Variants in DYRK2 observed in about 807,000 individuals in gnomAD.
The protein encoded by DYRK2 is dual specificity tyrosine-phosphorylation-regulated kinase 2.
DYRK2 carries 12 observed loss-of-function variants against 41.6 expected under a neutral mutation model. The observed-to-expected ratio is 0.29, with a 90% confidence interval of 0.18 to 0.47. The LOEUF (loss-of-function observed/expected upper bound fraction) is 0.47. Among genes scored for constraint, DYRK2 ranks in the 20% least tolerant of loss-of-function variants. The pLI is 1.00. For synonymous variants in DYRK2, 322 were observed against 315.7 expected, an observed-to-expected ratio of 1.02 and a Z score of -0.21; for missense variants, 678 against 798.4, an observed-to-expected ratio of 0.85 and a Z score of 1.82.
chr12:67,657,215 T>C lies in DYRK2; in HGVS notation c.308T>C (p.Val103Ala). 2 of 1,614,102 alleles carry C rather than the reference T, an allele frequency of 1.2e-6. No individual in the cohort carries two copies. The highest frequency in any genetic ancestry group is 1.7e-6 in the Non-Finnish European group (2 of 1,180,012). The change falls in exon 3 of 3, where the codon GTG becomes GCG. Residue 103 changes from valine (V) to alanine (A), a missense_variant. Physicochemically the swap from Val to Ala is moderately conservative, Grantham distance 64. Around this residue, in one of 2 missense-constraint regions of DYRK2, gnomAD observed 285 missense variants for 279.2 expected, o/e 1.02. Transcript: ENST00000344096. This position sits in a 1 kb window ranked among gnomAD's most constrained non-coding sequence, Gnocchi z 4.8. ...LFEDNSNKRT[V>A]LTTQPNGLTT... ...GAGGATAACAGTAACAAGCGGACAGTGCTCACGACACAACCAAATGGGCTT... is the reference window on the plus strand; with the variant it reads ...GAGGATAACAGTAACAAGCGGACAGCGCTCACGACACAACCAAATGGGCTT...
In DYRK2 at chr12:67,658,689, A is replaced by C; in HGVS notation, c.1782A>C (p.Thr594=). Residue 594 remains threonine (T), a synonymous_variant, in exon 3 of 3, where the codon ACA becomes ACC. Coordinates refer to ENST00000344096, the MANE Select transcript of DYRK2 (RefSeq NM_006482.3). This position sits in a 1 kb window ranked among gnomAD's most constrained non-coding sequence, Gnocchi z 4.3. ...TDANGNIQQR[T]VLPKLVS ...CCAATGGGAATATTCAGCAGAGGAC[A>C]GTGTTGCCAAAACTTGTTAGCTGAG... 1.2e-6 allele frequency: 2 copies of C among 1,609,168 alleles called. No homozygotes were observed. Among genetic ancestry groups the C allele is most frequent in the Non-Finnish European group, 1.7e-6 (2 of 1,177,730 alleles).
In DYRK2 at chr12:67,649,044, C is replaced by T; in HGVS notation, c.-90C>T. ...CGCCGGGGACCCGCGCGAGGGGCGG[C>T]CGGGAGGCGGCGGCGGCGGCCGCCA... On this transcript the variant is annotated 5_prime_UTR_variant, in exon 1 of 3. Transcript: ENST00000344096. 3.4e-6 allele frequency: 4 copies of T among 1,180,518 alleles called. 1 individual carries two copies. Among genetic ancestry groups the T allele is most frequent in the East Asian group, 7.1e-5 (2 of 28,122 alleles). The allele number at this position is 1,180,518 out of a possible 1,614,324, so 73.1% of individuals were successfully genotyped here.
rs768720144 is a variant in DYRK2 at position 67,649,157 on chromosome 12, C to T, written c.24C>T (p.Ala8=). The change falls in exon 1 of 3, where the codon GCC becomes GCT. Residue 8 remains alanine, a synonymous_variant. Coordinates refer to ENST00000344096, the MANE Select transcript of DYRK2 (RefSeq NM_006482.3). ...CCATGTTAACCAGGAAACCTTCGGCCGCCGCTCCCGCCGCCTACCCGACCG... is the reference window on the plus strand; with the variant it reads ...CCATGTTAACCAGGAAACCTTCGGCTGCCGCTCCCGCCGCCTACCCGACCG... The part of the protein sequence containing the change: MLTRKPS[A]AAPAAYPTGR... 4.6e-6 allele frequency: 7 copies of T among 1,513,420 alleles called. No homozygotes were observed. The highest frequency in any genetic ancestry group is 3.7e-5 in the South Asian group (3 of 81,820). The allele number at this position is 1,513,420 out of a possible 1,614,324, so 93.7% of individuals were successfully genotyped here. A position where few individuals can be genotyped will look rare whatever the true frequency, so the allele number is the denominator to read the frequency against.
At position 67,660,754 on chromosome 12, in the gene DYRK2, G is replaced by A. The variant is rs1872601420; in HGVS notation, c.*2041G>A. 6.0e-6 allele frequency: 1 copy of A among 167,020 alleles called. No individual in the cohort carries two copies. Among genetic ancestry groups the A allele is most frequent in the Non-Finnish European group, 1.5e-5 (1 of 68,114 alleles). 10.3% of individuals were successfully genotyped at this position (167,020 alleles called of 1,614,324 possible). A position where few individuals can be genotyped will look rare whatever the true frequency, so the allele number is the denominator to read the frequency against. On this transcript the variant is annotated 3_prime_UTR_variant, in exon 3 of 3. Transcript: ENST00000344096. ...CATGAGAAGTATAAGACTTGGTTTG[G>A]TGGCTTTGTAAGACCACCAGCCTCT...
At position 67,658,383 on chromosome 12, in the gene DYRK2, G is replaced by T. The variant is rs1331591899; in HGVS notation, c.1476G>T (p.Glu492Asp). 6.2e-7 allele frequency: 1 copy of T among 1,606,934 alleles called. No individual in the cohort carries two copies. Among genetic ancestry groups the T allele is most frequent in the Admixed American group, 1.7e-5 (1 of 58,774 alleles). The change falls in exon 3 of 3, where the codon GAG becomes GAT. Residue 492 changes from glutamate (E) to aspartate (D), a missense_variant. Around this residue, in one of 2 missense-constraint regions of DYRK2, gnomAD observed 393 missense variants for 519.1 expected, o/e 0.76. Coordinates refer to ENST00000344096, the MANE Select transcript of DYRK2 (RefSeq NM_006482.3). This position sits in a 1 kb window ranked among gnomAD's most constrained non-coding sequence, Gnocchi z 4.3. ...SRRGKLRGPP[E>D]SREWGNALKG... ...GGGGGAAACTGAGGGGCCCACCGGA[G>T]AGCAGAGAGTGGGGGAACGCGCTGA...
At chr12:67,653,894 G>T (rs1261612899) in intron 2 of DYRK2, among the ~76,000 whole-genome samples, 1 of 152,188 alleles carries the variant, frequency 6.6e-6, no homozygotes, top group Non-Finnish European at 1.5e-5. Context: ...GCAATAAAGA[G>T]AAATAAGTAA....
rs920807918 is a variant in DYRK2, at chr12:67,659,705, T to C, written c.*992T>C. 3.6e-5 allele frequency: 6 copies of C among 167,060 alleles called. No homozygotes were observed. Among genetic ancestry groups the C allele is most frequent in the Non-Finnish European group, 7.3e-5 (5 of 68,120 alleles). The allele number at this position is 167,060 out of a possible 1,614,324, so 10.3% of individuals were successfully genotyped here. A position where few individuals can be genotyped will look rare whatever the true frequency, so the allele number is the denominator to read the frequency against. On this transcript the variant is annotated 3_prime_UTR_variant, in exon 3 of 3. Transcript: ENST00000344096. ...GGATTTCCATAGTTCCAAAGAAGATTTAGCAGATTAGAGTGAGTTCACACT... is the reference window on the plus strand; with the variant it reads ...GGATTTCCATAGTTCCAAAGAAGATCTAGCAGATTAGAGTGAGTTCACACT...
In DYRK2 at chr12:67,665,050, T is replaced by C. The variant is rs1205129001; in HGVS notation, c.*6337T>C. On this transcript the variant is annotated 3_prime_UTR_variant, in exon 3 of 3. Coordinates refer to ENST00000344096, the MANE Select transcript of DYRK2 (RefSeq NM_006482.3). ...AAATTTACTCAGGTTTCCTATCCTTTGCCTCCATATTTAAGAAAATATAGA... is the reference window on the plus strand; with the variant it reads ...AAATTTACTCAGGTTTCCTATCCTTCGCCTCCATATTTAAGAAAATATAGA... The C allele has an allele frequency of 6.6e-6, 1 of 152,176 alleles. No homozygotes were observed. Among genetic ancestry groups the C allele is most frequent in the African/African-American group, 2.4e-5 (1 of 41,450 alleles). 9.4% of individuals were successfully genotyped at this position (152,176 alleles called of 1,614,324 possible).
intron 1 of DYRK2, 144 bp downstream of exon 1, chr12:67,649,326 C>T: frequency 3.5e-6 from 2 of 578,498 alleles, no homozygotes; most frequent in Non-Finnish European, 4.8e-6. Flanking sequence ...ACGACGCGCC[C>T]CGGGCTCCAT....
At chr12:67,651,671 G>A in intron 2 of DYRK2, 1 of 454,602 alleles carries the variant, frequency 2.2e-6, no homozygotes, top group Non-Finnish European at 4.4e-6. Flanking sequence ...GTGAATTTGG[G>A]TTTCGATGGT....
In DYRK2 at chr12:67,657,039, G is replaced by A. The variant is rs900322867; in HGVS notation, c.199-67G>A. 7 of 1,452,288 alleles carry A rather than the reference G, an allele frequency of 4.8e-6. No individual in the cohort carries two copies. 90.0% of individuals were successfully genotyped at this position (1,452,288 alleles called of 1,614,324 possible). ...GGTTGGGGGCGGTGGTGTTGTTGGG[G>A]GTTACTTATACACCATTTGAACAGA... On this transcript the variant is annotated intron_variant, in intron 2 of 2. Transcript: ENST00000344096. The surrounding 1 kb of genome is among the most constrained non-coding windows in gnomAD (Gnocchi z 4.8).
At chr12:67,650,040 A>T in intron 2 of DYRK2, 95 bp downstream of exon 2, 1 of 1,211,914 alleles carries the variant, frequency 8.3e-7, no homozygotes, top group Non-Finnish European at 1.0e-6. Context: ...CCGGGAGAAG[A>T]GGGGTCGAGA....
Position 67,664,842 on chromosome 12 carries a change from T to C in DYRK2, c.*6129T>C, listed in dbSNP as rs567982337. ...TGTGCACACACCCTCAGTTAATTTG[T>C]AAGAGAGTGACTTCTCATTGTTATT... is the stretch of plus-strand genomic sequence containing the variant. On this transcript the variant is annotated 3_prime_UTR_variant, in exon 3 of 3. Transcript: ENST00000344096. The C allele has an allele frequency of 6.6e-5, 10 of 152,324 alleles. No individual in the cohort carries two copies. The highest frequency in any genetic ancestry group is 2.4e-4 in the African/African-American group (10 of 41,576). The allele number at this position is 152,324 out of a possible 1,614,324, so 9.4% of individuals were successfully genotyped here. A position where few individuals can be genotyped will look rare whatever the true frequency, so the allele number is the denominator to read the frequency against.
chr12:67,648,913 ACGGCGGCGAGGAGGAGAGCGGGGGGCTCG>A lies in DYRK2; in HGVS notation c.-212_-184del. 1 of 354,332 alleles carries A rather than the reference ACGGCGGCGAGGAGGAGAGCGGGGGGCTCG, an allele frequency of 2.8e-6. No homozygotes were observed. The highest frequency in any genetic ancestry group is 7.1e-5 in the South Asian group (1 of 14,134). The allele number at this position is 354,332 out of a possible 1,614,324, so 21.9% of individuals were successfully genotyped here. A position where few individuals can be genotyped will look rare whatever the true frequency, so the allele number is the denominator to read the frequency against. ...CTGCAGCCGCCCGAGGAAGAGGAGG[ACGGCGGCGAGGAGGAGAGCGGGGGGCTCG>A]CGGCGGCGGGCCCCGGCCGAGGGGA... is the stretch of plus-strand genomic sequence containing the variant. On this transcript the variant is annotated 5_prime_UTR_variant, in exon 1 of 3. An upstream open reading frame in the 5' UTR loses its in-frame stop. Transcript: ENST00000344096.
intron 2 of DYRK2, chr12:67,651,517 A>G (rs1356122743): frequency 6.7e-6 from 3 of 450,138 alleles, no homozygotes; most frequent in Admixed American, 4.8e-5. Flanking sequence ...GGTGCACCAG[A>G]AAAGGAAGGA....
chr12:67,648,991 C>T lies in DYRK2; in HGVS notation c.-143C>T, dbSNP rs976785293. On this transcript the variant is annotated 5_prime_UTR_variant, in exon 1 of 3. Coordinates refer to ENST00000344096, the MANE Select transcript of DYRK2 (RefSeq NM_006482.3). ...GATGCAGTGGACTGTGTGTGTCTGG[C>T]TGTAGCAGACGCGAGGCGGCGACGA... 9.3e-5 allele frequency: 55 copies of T among 591,962 alleles called. No homozygotes were observed. Among genetic ancestry groups the T allele is most frequent in the Non-Finnish European group, 1.3e-4 (51 of 379,878 alleles). The allele number at this position is 591,962 out of a possible 1,614,324, so 36.7% of individuals were successfully genotyped here. A position where few individuals can be genotyped will look rare whatever the true frequency, so the allele number is the denominator to read the frequency against.
rs1414915327 is a variant in DYRK2, at chr12:67,657,245, C to T, written c.338C>T (p.Thr113Ile). ...VLTTQPNGLT[T>I]VGKTGLPVVP... ...ACGACACAACCAAATGGGCTTACAA[C>T]AGTGGGCAAAACGGGCTTGCCAGTG... The change falls in exon 3 of 3, where the codon ACA becomes ATA. Residue 113 changes from threonine (T) to isoleucine (I), a missense_variant. Thr to Ile is a moderately conservative substitution (Grantham distance 89). This residue lies in a region of DYRK2 where 285 missense variants were observed against 279.2 expected (regional missense o/e 1.02). Transcript: ENST00000344096. The surrounding 1 kb of genome is among the most constrained non-coding windows in gnomAD (Gnocchi z 4.8). The T allele has an allele frequency of 5.6e-6, 9 of 1,613,962 alleles. No homozygotes were observed. The highest frequency in any genetic ancestry group is 7.6e-6 in the Non-Finnish European group (9 of 1,180,018).
Position 67,657,473 on chromosome 12 carries a change from A to G in DYRK2, c.566A>G (p.Lys189Arg). 1 of 1,614,196 alleles carries G rather than the reference A, an allele frequency of 6.2e-7. No individual in the cohort carries two copies. The highest frequency in any genetic ancestry group is 1.7e-5 in the Admixed American group (1 of 60,036). ...PEIYFLGLNA[K>R]KRQGMTGGPN... ...ATATATTTCTTGGGTCTAAATGCTAAGAAGCGCCAGGGCATGACAGGTGGG... is the reference window on the plus strand; with the variant it reads ...ATATATTTCTTGGGTCTAAATGCTAGGAAGCGCCAGGGCATGACAGGTGGG... The change falls in exon 3 of 3, where the codon AAG (lysine) becomes AGG (arginine). Residue 189 changes from lysine (K) to arginine (R), a missense_variant. Coordinates refer to ENST00000344096, the MANE Select transcript of DYRK2 (RefSeq NM_006482.3). The surrounding 1 kb of genome is among the most constrained non-coding windows in gnomAD (Gnocchi z 4.8).
In DYRK2 at chr12:67,664,657, AAC is replaced by A. The variant is rs1872703409; in HGVS notation, c.*5948_*5949del. ...GTAAGGGAAAATCCATAATACATAA[AAC>A]ACAAAAGTTTAGAAAGGGGGGGAAG... On this transcript the variant is annotated 3_prime_UTR_variant, in exon 3 of 3. Coordinates refer to ENST00000344096, the MANE Select transcript of DYRK2 (RefSeq NM_006482.3). 1 of 152,186 alleles carries A rather than the reference AAC, an allele frequency of 6.6e-6. No homozygotes were observed. The highest frequency in any genetic ancestry group is 1.5e-5 in the Non-Finnish European group (1 of 68,024). 9.4% of individuals were successfully genotyped at this position (152,186 alleles called of 1,614,324 possible).
Sources: gnomAD v4.1 joint callset for allele counts (sites outside exome capture counted in the v4.1 genomes callset) on GRCh38, gnomAD v4.1.1 for gene constraint, gnomAD v4.1.1 regional missense constraint, Gnocchi (gnomAD v3.1) non-coding constraint, MANE v1.5 for transcripts, NCBI Gene and HGNC (gene_info 2026-07-23, HGNC 2026-07-21) for gene names.